Variants in IGFL2 observed in about 807,000 individuals in gnomAD.
The protein encoded by IGFL2 is insulin growth factor-like family member 2.
A neutral mutation model predicts 13.9 loss-of-function variants in IGFL2; 7 were observed. The ratio of observed to expected loss-of-function variants is 0.51; its 90% CI spans 0.29 to 0.95. The LOEUF (loss-of-function observed/expected upper bound fraction) is 0.95. Among genes scored for constraint, IGFL2 ranks in the 40% least tolerant of loss-of-function variants. The pLI is 0.08. For missense variants in IGFL2, 138 were observed against 147.8 expected (o/e 0.93, Z 0.34); for synonymous variants, 55 against 55.8 (o/e 0.99, Z 0.07).
At chr19:46,172,505 T>C in the IGFL2 span, among the ~76,000 whole-genome samples, 1 of 152,104 alleles carries the variant, frequency 6.6e-6, no homozygotes, top group South Asian at 2.1e-4. Flanking sequence ...TTTTTTCAGG[T>C]GGAGTTCTGT....
upstream of IGFL2, among the ~76,000 whole-genome samples, chr19:46,144,102 C>T (rs960300878): frequency 6.6e-6 from 1 of 152,220 alleles, no homozygotes; most frequent in African/African-American, 2.4e-5. Context: ...AAGAGTCAGG[C>T]TTTGCAAAAC....
chr19:46,165,578 T>G (rs1178685808), downstream of IGFL2, among the ~76,000 whole-genome samples: 1 of 152,222 alleles, frequency 6.6e-6, no homozygotes, highest in East Asian at 1.9e-4. Context: ...CCCTGTCACC[T>G]ACATGACAGC....
At chr19:46,130,663 CT>C in the IGFL2 span, among the ~76,000 whole-genome samples, 4 of 152,108 alleles carry the variant, frequency 2.6e-5, no homozygotes, top group African/African-American at 9.7e-5. Flanking sequence ...TGAGCAAGAA[CT>C]AAGATTAGAA....
chr19:46,087,626 A>G, the IGFL2 span, among the ~76,000 whole-genome samples: 7 of 152,232 alleles, frequency 4.6e-5, no homozygotes, highest in Non-Finnish European at 7.3e-5. Context: ...TAGTGGGAGC[A>G]GCGTTAGGCA....
At chr19:46,131,163 T>G in the IGFL2 span, among the ~76,000 whole-genome samples, 2 of 152,242 alleles carry the variant, frequency 1.3e-5, no homozygotes, top group South Asian at 4.1e-4. Flanking sequence ...GTTGACTAGT[T>G]TCATCCCTTT....
chr19:46,174,317 C>A, the IGFL2 span, among the ~76,000 whole-genome samples: 1 of 152,144 alleles, frequency 6.6e-6, no homozygotes, highest in Non-Finnish European at 1.5e-5. Context: ...CAACACCGGG[C>A]CCTTGTAAGT....
chr19:46,121,287 C>CCGAG, the IGFL2 span, among the ~76,000 whole-genome samples: 24 of 149,190 alleles, frequency 1.6e-4, no homozygotes, highest in Non-Finnish European at 3.2e-4. Flanking sequence ...ACTCAGGAGA[C>CCGAG]CGAGGTAGGA....
the IGFL2 span, among the ~76,000 whole-genome samples, chr19:46,082,657 C>G: frequency 6.6e-6 from 1 of 151,334 alleles, no homozygotes; most frequent in African/African-American, 2.4e-5. Context: ...AGACACTCCA[C>G]TCTGTCACGC....
chr19:46,160,841 T>G lies in IGFL2; in HGVS notation c.301T>G (p.Ser101Ala), dbSNP rs1268406317. 6.2e-7 allele frequency: 1 copy of G among 1,613,902 alleles called. No homozygotes were observed. Among genetic ancestry groups the G allele is most frequent in the Admixed American group, 1.7e-5 (1 of 60,008 alleles). ...GAAGCTGAAGGTTCAGGGTGTGAAT[T>G]CCCAGTGCCACTCATCTCCCATCTC... is the stretch of plus-strand genomic sequence containing the variant. ...VVKLKVQGVNSQCHSSPISSK... is the reference protein window; with the variant it reads ...VVKLKVQGVNAQCHSSPISSK... The change falls in exon 3 of 4, where the codon TCC becomes GCC. Residue 101 changes from serine to alanine, a missense_variant. Physicochemically the swap from Ser to Ala is moderately conservative, Grantham distance 99. Transcript: ENST00000377693.
the IGFL2 span, among the ~76,000 whole-genome samples, chr19:46,109,901 CT>C: frequency 2.4e-4 from 36 of 152,150 alleles, no homozygotes; most frequent in Non-Finnish European, 4.0e-4. Context: ...TCTTTAGTTG[CT>C]TCAGGCCATC....
chr19:46,113,198 G>A, the IGFL2 span: 1 of 172,642 alleles, frequency 5.8e-6, no homozygotes, highest in African/African-American at 2.5e-5. Context: ...GAGGCAAAAA[G>A]CGTTCCGTCC....
At chr19:46,195,906 T>C in the IGFL2 span, 6 of 152,366 alleles carry the variant, frequency 3.9e-5, no homozygotes, top group Admixed American at 3.3e-4. Flanking sequence ...CAGGGTCAGC[T>C]GTAACATTGT....
chr19:46,101,367 A>T, the IGFL2 span, among the ~76,000 whole-genome samples: 1 of 152,148 alleles, frequency 6.6e-6, no homozygotes, highest in Non-Finnish European at 1.5e-5. Context: ...CACCCCTCCC[A>T]CTAGGGGCTC....
the IGFL2 span, among the ~76,000 whole-genome samples, chr19:46,169,268 C>G: frequency 6.6e-6 from 1 of 152,134 alleles, no homozygotes; most frequent in Non-Finnish European, 1.5e-5. Context: ...ATAGAATTGC[C>G]CAATCCAATA....
At chr19:46,198,023 C>CT in the IGFL2 span, 1 of 108,308 alleles carries the variant, frequency 9.2e-6, no homozygotes. Context: ...CCCTCCCTCC[C>CT]TCCCTTCCTT....
the IGFL2 span, among the ~76,000 whole-genome samples, chr19:46,175,609 C>T: frequency 6.6e-6 from 1 of 152,080 alleles, no homozygotes; most frequent in East Asian, 1.9e-4. Flanking sequence ...ATGATCTCTA[C>T]TCAGCTGCAA....
At chr19:46,172,544 G>A in the IGFL2 span, among the ~76,000 whole-genome samples, 1,179 of 152,158 alleles carry the variant, frequency 7.7e-3, 21 homozygotes, top group African/African-American at 0.026. Context: ...CTTGAACTCC[G>A]GAACTCAAAT....
At chr19:46,166,429 T>TC in the IGFL2 span, among the ~76,000 whole-genome samples, 1 of 152,046 alleles carries the variant, frequency 6.6e-6, no homozygotes, top group Non-Finnish European at 1.5e-5. Context: ...TAATAGAATA[T>TC]CACAAGGCAA....
chr19:46,079,350 C>T, the IGFL2 span, among the ~76,000 whole-genome samples: 8 of 151,994 alleles, frequency 5.3e-5, no homozygotes, highest in South Asian at 2.1e-4. Context: ...TGCCGCTCCC[C>T]TCGTGGGCGT....
Sources: gnomAD v4.1 joint callset for allele counts (sites outside exome capture counted in the v4.1 genomes callset) on GRCh38, gnomAD v4.1.1 for gene constraint, MANE v1.5 for transcripts, NCBI Gene and HGNC (gene_info 2026-07-23, HGNC 2026-07-21) for gene names.